The following RP1 variants were observed in gnomAD, a reference collection of about 807,000 sequenced individuals.
RP1 encodes the protein RP1 axonemal microtubule associated, also known as oxygen-regulated protein 1.
A neutral mutation model predicts 14.8 loss-of-function variants in RP1; 16 were observed. That is an observed-to-expected ratio of 1.08 (90% CI 0.73 to 1.65). The LOEUF is 1.65. Among genes scored for constraint, RP1 ranks in the 40% most tolerant of loss-of-function variants. RP1 has a pLI of 0.00. For synonymous variants in RP1, 876 were observed against 883.6 expected (o/e 0.99, Z 0.15); for missense variants, 2,631 against 2,535.0 (o/e 1.04, Z -0.81).
In RP1 at chr8:54,622,167, AG is replaced by A. The variant is rs1231321479; in HGVS notation, c.668del (p.Gly223GlufsTer41). 6.1e-5 allele frequency: 99 copies of A among 1,614,054 alleles called. No homozygotes were observed. The highest frequency in any genetic ancestry group is 8.2e-5 in the Non-Finnish European group (97 of 1,180,030). On this transcript the variant is annotated frameshift_variant, in exon 3 of 4. Coordinates refer to ENST00000220676, the MANE Select transcript of RP1 (RefSeq NM_006269.2). LOFTEE classifies it high-confidence loss of function. ...TGAGCTCTGGAGCTGTGGTGGCGGC[AG>A]GAAGGGAGCCATTTAAACCAGGAAA... Reference protein sequence around the residue: ...ILSSGAVVAAGREPFKPGNYD... With the variant: ...ILSSGAVVAAXREPFKPGNYD...
chr8:54,609,656 T>C (rs1805544974), intron 1 of RP1, among the ~76,000 whole-genome samples: 1 of 152,164 alleles, frequency 6.6e-6, no homozygotes, highest in Non-Finnish European at 1.5e-5. Flanking sequence ...ATTAGATTAA[T>C]AACACCTCCT....
rs1806027802 is a variant in RP1, at chr8:54,625,831, C to T, written c.1949C>T (p.Ala650Val). ...ATTGACAGACTAATTAATGAATTTG[C>T]TCAGTGTGGTTTAACAAAACTTCCA... ...ARIDRLINEF[A>V]QCGLTKLPKN... The change falls in exon 4 of 4, where the codon GCT (alanine) becomes GTT (valine). Residue 650 changes from alanine to valine, a missense_variant. By Grantham distance (64) the Ala-to-Val change is moderately conservative (BLOSUM62 0). Transcript: ENST00000220676. 3 of 1,613,386 alleles carry T rather than the reference C, an allele frequency of 1.9e-6. No homozygotes were observed. Among genetic ancestry groups the T allele is most frequent in the Non-Finnish European group, 2.5e-6 (3 of 1,179,962 alleles).
chr8:54,688,283 G>A (rs1807616964), intron 12 of RP1, among the ~76,000 whole-genome samples: 1 of 152,106 alleles, frequency 6.6e-6, no homozygotes, highest in Admixed American at 6.5e-5. Context: ...TCTGATGATA[G>A]TTACTTTTGC....
intron 1 of RP1, among the ~76,000 whole-genome samples, chr8:54,600,925 G>C (rs1805266152): frequency 6.6e-6 from 1 of 152,142 alleles, no homozygotes; most frequent in Non-Finnish European, 1.5e-5. Flanking sequence ...GTCATTCCTT[G>C]AGTTTTGTGA....
chr8:54,670,564 CAT>C (rs1481099906), intron 7 of RP1, among the ~76,000 whole-genome samples: 1 of 116,408 alleles, frequency 8.6e-6, no homozygotes, highest in Non-Finnish European at 1.8e-5. Flanking sequence ...TATATATATA[CAT>C]ATATATGTAT....
In RP1 at chr8:54,560,126, G is replaced by A. The variant is rs141780689; in HGVS notation, c.-13+806G>A. Among the ~76,000 whole-genome samples, 443 of 152,236 alleles carry A rather than the reference G, an allele frequency of 2.9e-3. 1 individual carries two copies. The highest frequency in any genetic ancestry group is 0.01 in the African/African-American group (421 of 41,556). On this transcript the variant is annotated intron_variant, in intron 1 of 22. Transcript: ENST00000636932. Reference sequence around the variant, plus strand: ...GCTGTGGAGGCTGGGGTGGGTCTGCGTTTGAACCCAGCTCCTCCTGGGGGA... The same window carrying A: ...GCTGTGGAGGCTGGGGTGGGTCTGCATTTGAACCCAGCTCCTCCTGGGGGA...
intron 12 of RP1, among the ~76,000 whole-genome samples, chr8:54,699,118 A>C (rs1016032789): frequency 8.0e-5 from 12 of 150,790 alleles, no homozygotes; most frequent in Non-Finnish European, 1.8e-4. Context: ...TTATATATTT[A>C]ATATATTTGA....
rs1334165172 is a variant in RP1 at position 54,679,955 on chromosome 8, TGTG to T, written c.1717+26_1717+28del. 2.0e-6 allele frequency: 3 copies of T among 1,535,108 alleles called. No homozygotes were observed. The East Asian group carries it at 7.3e-5, about 38-fold the overall frequency. On this transcript the variant is annotated intron_variant, in intron 12 of 22. Transcript: ENST00000636932. ...TATGGTAAAACTATCGTACAAAGCT[TGTG>T]GTGCTGGACAGGTCTGGGAGTTAAA...
intron 24 of RP1, among the ~76,000 whole-genome samples, chr8:54,790,242 G>T (rs1810430944): frequency 2.0e-5 from 3 of 152,210 alleles, no homozygotes. Context: ...ATGGGCAGAT[G>T]TCTTGCCCAA....
chr8:54,627,338 G>T lies in RP1; in HGVS notation c.3456G>T (p.Lys1152Asn). 6.2e-7 allele frequency: 1 copy of T among 1,614,122 alleles called. No individual in the cohort carries two copies. Among genetic ancestry groups the T allele is most frequent in the Non-Finnish European group, 8.5e-7 (1 of 1,179,988 alleles). Residue 1152 changes from lysine to asparagine, a missense_variant, in exon 4 of 4, where the codon AAG (lysine) becomes AAT (asparagine). Coordinates refer to ENST00000220676, the MANE Select transcript of RP1 (RefSeq NM_006269.2). ...MNSFCQVDAH[K>N]ATNKSSETLA... is the part of the protein sequence containing the mutation. ...GCTTCTGTCAAGTTGATGCTCACAA[G>T]GCTACCAACAAATCTTCAGAAACAC... is the stretch of plus-strand genomic sequence containing the variant.
At chr8:54,812,243 C>T (rs963570937) in intron 24 of RP1, among the ~76,000 whole-genome samples, 3 of 152,178 alleles carry the variant, frequency 2.0e-5, no homozygotes, top group African/African-American at 4.8e-5. Flanking sequence ...CAGACTCAAG[C>T]GATTCTTGTG....
At chr8:54,743,135 T>A (rs1352961076) in intron 19 of RP1, among the ~76,000 whole-genome samples, 1 of 152,222 alleles carries the variant, frequency 6.6e-6, no homozygotes, top group Admixed American at 6.5e-5. Context: ...AAATTTATTT[T>A]AAAAATTGCA....
intron 12 of RP1, among the ~76,000 whole-genome samples, chr8:54,682,455 C>T (rs1807457963): frequency 6.6e-6 from 1 of 151,884 alleles, no homozygotes; most frequent in South Asian, 2.1e-4. Flanking sequence ...CCTGGCAATC[C>T]CATTACCGAG....
At chr8:54,784,855 T>C (rs1810278741) in intron 24 of RP1, among the ~76,000 whole-genome samples, 2 of 152,088 alleles carry the variant, frequency 1.3e-5, no homozygotes, top group South Asian at 4.1e-4. Flanking sequence ...TTGTTAAAAG[T>C]GGTTTTCTGC....
Position 54,629,288 on chromosome 8 carries a change from T to C in RP1, c.5406T>C (p.Ser1802=). ...GCCCAACGATGGATGAACTCTCCTC[T>C]TCAGAACTCGAGGAACTGACTCAAC... is the stretch of plus-strand genomic sequence containing the variant. ...APGPTMDELS[S]SELEELTQPL... The change falls in exon 4 of 4, where the codon TCT becomes TCC. Residue 1802 remains serine, a synonymous_variant. Coordinates refer to ENST00000220676, the MANE Select transcript of RP1 (RefSeq NM_006269.2). The C allele has an allele frequency of 6.2e-7, 1 of 1,613,750 alleles. No individual in the cohort carries two copies. Among genetic ancestry groups the C allele is most frequent in the Non-Finnish European group, 8.5e-7 (1 of 1,179,806 alleles).
chr8:54,815,090 A>G (rs1811108528), intron 24 of RP1, among the ~76,000 whole-genome samples: 1 of 152,266 alleles, frequency 6.6e-6, no homozygotes, highest in Admixed American at 6.5e-5. Flanking sequence ...ACTAATTTCA[A>G]AATAGTTTTA....
intron 7 of RP1, among the ~76,000 whole-genome samples, chr8:54,669,835 C>A (rs969721176): frequency 1.4e-5 from 2 of 141,442 alleles, no homozygotes; most frequent in African/African-American, 5.2e-5. Flanking sequence ...AATGAGAACA[C>A]TTGGACACAG....
chr8:54,625,267 CTG>C lies in RP1; in HGVS notation c.1388_1389del (p.Val463AspfsTer9), dbSNP rs1806001379. ...CTAAGAAGAGTGAGACAAAAGAAAT[CTG>C]TGATTGGCAGTGTGACCTTAGTATC... On this transcript the variant is annotated frameshift_variant, in exon 4 of 4. Transcript: ENST00000220676. LOFTEE classifies it low-confidence loss of function (END_TRUNC). 1.9e-6 allele frequency: 3 copies of C among 1,614,014 alleles called. No homozygotes were observed. The highest frequency in any genetic ancestry group is 2.5e-6 in the Non-Finnish European group (3 of 1,180,042).
intron 22 of RP1, among the ~76,000 whole-genome samples, chr8:54,761,578 C>A (rs1809642176): frequency 6.6e-6 from 1 of 152,012 alleles, no homozygotes; most frequent in Non-Finnish European, 1.5e-5. Context: ...CCACCATGGC[C>A]TCCTTTGGAA....
Sources: gnomAD v4.1 joint callset for allele counts (sites outside exome capture counted in the v4.1 genomes callset) on GRCh38, gnomAD v4.1.1 for gene constraint, MANE v1.5 for transcripts, NCBI Gene and HGNC (gene_info 2026-07-23, HGNC 2026-07-21) for gene names.